The following MCPH1 variants were observed in gnomAD, a reference collection of about 807,000 sequenced individuals.
MCPH1 encodes the protein microcephalin.
MCPH1 carries 104 observed loss-of-function variants against 84.5 expected under a neutral mutation model. The observed-to-expected ratio is 1.23, with a 90% CI of 1.05 to 1.45. The LOEUF is 1.45. MCPH1 is among the 40% of genes most tolerant of loss of function. The pLI, the probability that MCPH1 is intolerant of heterozygous loss-of-function variation, is 0.00. For synonymous variants in MCPH1, 514 were observed against 366.8 expected, an observed-to-expected ratio of 1.40 and a Z score of -4.58; for missense variants, 1,498 against 1,005.7, an observed-to-expected ratio of 1.49 and a Z score of -6.62.
intron 12 of MCPH1, among the ~76,000 whole-genome samples, chr8:6,607,764 T>C (rs1050133499): frequency 7.2e-5 from 11 of 152,366 alleles, no homozygotes; most frequent in African/African-American, 2.6e-4. Flanking sequence ...TCTGCTGCCA[T>C]GTAAGACATG....
chr8:6,409,162 A>G (rs1798184854), intron 1 of MCPH1, 117 bp from the exon 2 acceptor site: 6 of 840,050 alleles, frequency 7.1e-6, no homozygotes, highest in African/African-American at 1.7e-5. Flanking sequence ...CTGGGATTAC[A>G]GGCGTGAGCC....
In MCPH1 at chr8:6,627,405, T is replaced by G. The variant is rs1332902651; in HGVS notation, c.2452+5714T>G. ...GGCCTCATTTTATCCCCACCCAGGT[T>G]TCCACACCCAGGAGCTCAGCAACCG... On this transcript the variant is annotated intron_variant, in intron 13 of 13. Coordinates refer to ENST00000344683, the MANE Select transcript of MCPH1 (RefSeq NM_024596.5). 3 of 516,740 alleles carry G rather than the reference T, an allele frequency of 5.8e-6. No individual in the cohort carries two copies. In the African/African-American group the frequency reaches 6.2e-5, roughly 11 times the overall value. The allele number at this position is 516,740 out of a possible 1,614,324, so 32.0% of individuals were successfully genotyped here.
chr8:6,532,300 G>C, intron 12 of MCPH1: 1 of 1,613,442 alleles, frequency 6.2e-7, no homozygotes, highest in Non-Finnish European at 8.5e-7. Context: ...CTAGCTGCAG[G>C]GACACCGTGT....
In MCPH1 at chr8:6,439,052, G is replaced by C. The variant is rs1394007610; in HGVS notation, c.536G>C (p.Arg179Thr). 6.2e-7 allele frequency: 1 copy of C among 1,613,322 alleles called. No individual in the cohort carries two copies. The highest frequency in any genetic ancestry group is 8.5e-7 in the Non-Finnish European group (1 of 1,179,784). ...AGGCACCACAGCGCAATGGAGAAGA[G>C]ATTACAAGAGATGAAGGAGAAAAGG... is the stretch of plus-strand genomic sequence containing the variant. ...NSRHHSAMEKRLQEMKEKREN... is the reference protein window; with the variant it reads ...NSRHHSAMEKTLQEMKEKREN... The change falls in exon 6 of 14, where the codon AGA becomes ACA. Residue 179 changes from arginine (R) to threonine (T), a missense_variant. By Grantham distance (71) the Arg-to-Thr change is moderately conservative. Transcript: ENST00000344683.
intron 6 of MCPH1, among the ~76,000 whole-genome samples, chr8:6,441,151 CT>C (rs1803455164): frequency 6.6e-6 from 1 of 152,156 alleles, no homozygotes; most frequent in African/African-American, 2.4e-5. Flanking sequence ...CATTGCTGTC[CT>C]GATAAAATCA....
intron 12 of MCPH1, among the ~76,000 whole-genome samples, chr8:6,567,352 T>C (rs1174618214): frequency 6.6e-6 from 1 of 151,772 alleles, no homozygotes; most frequent in Admixed American, 6.6e-5. Flanking sequence ...CACGGTGCGG[T>C]GACCATGTTT....
chr8:6,457,554 G>A (rs1372312708), intron 9 of MCPH1, among the ~76,000 whole-genome samples: 3 of 152,074 alleles, frequency 2.0e-5, no homozygotes, highest in Non-Finnish European at 4.4e-5. Context: ...GCAGTGAGTC[G>A]AGATCATGCC....
intron 13 of MCPH1, chr8:6,625,790 G>GAA: frequency 1.1e-6 from 1 of 909,072 alleles, no homozygotes; most frequent in Non-Finnish European, 1.3e-6. Context: ...TCTCTAAAAA[G>GAA]AAAAAAAAAA....
At chr8:6,421,926 C>T (rs562571440) in intron 3 of MCPH1, among the ~76,000 whole-genome samples, 19 of 152,318 alleles carry the variant, frequency 1.2e-4, no homozygotes, top group African/African-American at 4.1e-4. Flanking sequence ...GAACTCTGCC[C>T]CGTCTTCCTG....
At chr8:6,591,464 AC>A (rs68108663) in intron 12 of MCPH1, among the ~76,000 whole-genome samples, 3,246 of 152,140 alleles carry the variant, frequency 0.021, 114 homozygotes, top group African/African-American at 0.074. Context: ...CATGGAAATC[AC>A]CCCATGTGTG....
intron 11 of MCPH1, among the ~76,000 whole-genome samples, chr8:6,482,509 C>G (rs1216613574): frequency 1.3e-5 from 2 of 152,226 alleles, no homozygotes; most frequent in African/African-American, 2.4e-5. Flanking sequence ...GTCTCTGTGT[C>G]TTCATCTGAC....
At chr8:6,433,642 A>C (rs1172454917) in intron 4 of MCPH1, among the ~76,000 whole-genome samples, 2 of 151,640 alleles carry the variant, frequency 1.3e-5, no homozygotes, top group Admixed American at 1.3e-4. Context: ...AAAAAAAAAA[A>C]AAAAAAAAAA....
intron 12 of MCPH1, among the ~76,000 whole-genome samples, chr8:6,609,819 G>GCCCCCCCCCCCCCCCCCCCCCCCC (rs11280683): frequency 9.6e-6 from 1 of 104,020 alleles, no homozygotes; most frequent in Non-Finnish European, 2.3e-5. Flanking sequence ...AATGCCCCCC[G>GCCCCCCCCCCCCCCCCCCCCCCCC]CCCCCCCCCC....
chr8:6,494,444 C>T (rs191195156), intron 11 of MCPH1: 7 of 152,182 alleles, frequency 4.6e-5, no homozygotes, highest in African/African-American at 1.2e-4. Context: ...CTTGCTACAC[C>T]GTAGCTGTGT....
At chr8:6,583,835 A>T (rs898291912) in intron 12 of MCPH1, among the ~76,000 whole-genome samples, 26 of 124,542 alleles carry the variant, frequency 2.1e-4, no homozygotes, top group East Asian at 1.0e-3. Flanking sequence ...TTCCTAGGTT[A>T]TTGGTGTTCA....
chr8:6,421,483 A>T (rs1800187706), intron 3 of MCPH1, among the ~76,000 whole-genome samples: 1 of 152,046 alleles, frequency 6.6e-6, no homozygotes, highest in African/African-American at 2.4e-5. Context: ...TCCCCCAGCC[A>T]AATCCACCCT....
intron 12 of MCPH1, among the ~76,000 whole-genome samples, chr8:6,581,268 C>T (rs1333199072): frequency 6.6e-6 from 1 of 152,190 alleles, no homozygotes; most frequent in African/African-American, 2.4e-5. Flanking sequence ...TTATTTATAT[C>T]CTACTGTTCA....
chr8:6,612,193 C>T (rs1012565446), intron 12 of MCPH1, among the ~76,000 whole-genome samples: 3 of 152,134 alleles, frequency 2.0e-5, no homozygotes, highest in Non-Finnish European at 2.9e-5. Context: ...GCCAGGAACC[C>T]GGGGCAGAAA....
At chr8:6,442,777 T>C (rs1803710032) in intron 7 of MCPH1, among the ~76,000 whole-genome samples, 1 of 152,254 alleles carries the variant, frequency 6.6e-6, no homozygotes, top group African/African-American at 2.4e-5. Flanking sequence ...CAGTGATCCC[T>C]GAAAGTACTA....
Sources: gnomAD v4.1 joint callset for allele counts (sites outside exome capture counted in the v4.1 genomes callset) on GRCh38, gnomAD v4.1.1 for gene constraint, MANE v1.5 for transcripts, NCBI Gene and HGNC (gene_info 2026-07-23, HGNC 2026-07-21) for gene names.